Variants in GABRG3 observed in about 807,000 individuals in gnomAD.
The protein encoded by GABRG3 is gamma-aminobutyric acid receptor subunit gamma-3.
A neutral mutation model predicts 48.8 loss-of-function variants in GABRG3; 25 were observed. That is an observed-to-expected ratio of 0.51 (90% CI 0.37 to 0.72). The LOEUF (loss-of-function observed/expected upper bound fraction) is 0.72. GABRG3 is among the 30% of genes least tolerant of loss of function. GABRG3 has a pLI of 0.00. For missense variants in GABRG3, 394 were observed against 577.9 expected (o/e 0.68, Z 3.26); for synonymous variants, 227 against 217.6 (o/e 1.04, Z -0.38).
chr15:27,372,777 A>G (rs2140557401), intron 5 of GABRG3, among the ~76,000 whole-genome samples: 1 of 152,198 alleles, frequency 6.6e-6, no homozygotes, highest in East Asian at 1.9e-4. Context: ...CTCCTCTTTG[A>G]ATACTTCCCT....
chr15:27,503,522 T>C (rs956958844), intron 6 of GABRG3, among the ~76,000 whole-genome samples: 2 of 152,142 alleles, frequency 1.3e-5, no homozygotes, highest in Admixed American at 1.3e-4. Context: ...TTTTTTTCCC[T>C]TTTTTTCACT....
intron 3 of GABRG3, among the ~76,000 whole-genome samples, chr15:27,045,279 C>T (rs1298585388): frequency 1.3e-5 from 2 of 152,216 alleles, no homozygotes; most frequent in African/African-American, 4.8e-5. Flanking sequence ...TTGTCCTGAA[C>T]AGGACGGAGT....
intron 3 of GABRG3, among the ~76,000 whole-genome samples, chr15:27,111,366 G>C (rs1402186786): frequency 6.6e-6 from 1 of 152,102 alleles, no homozygotes; most frequent in Non-Finnish European, 1.5e-5. Context: ...CAACATTTCT[G>C]TCATGTCTGA....
At position 27,172,783 on chromosome 15, in the gene GABRG3, C is replaced by T. The variant is rs79345161; in HGVS notation, c.270+145962C>T. On this transcript the variant is annotated intron_variant, in intron 3 of 9. Coordinates refer to ENST00000615808, the MANE Select transcript of GABRG3 (RefSeq NM_033223.5). ...CCCGGTTACCCAGGGCAGATGCCTT[C>T]CTGCCCTTCCAGGTATCCAGGGTTA... Among the ~76,000 whole-genome samples the T allele has an allele frequency of 4.4e-3, 671 of 152,250 alleles. 7 individuals carry two copies. Among genetic ancestry groups the T allele is most frequent in the African/African-American group, 0.016 (650 of 41,552 alleles).
chr15:27,149,501 G>A (rs1466195894), intron 3 of GABRG3, among the ~76,000 whole-genome samples: 3 of 152,070 alleles, frequency 2.0e-5, no homozygotes, highest in Non-Finnish European at 1.5e-5. Flanking sequence ...AAATGTGTAT[G>A]GAAATTGCAA....
chr15:27,169,513 G>A (rs1360789788), intron 3 of GABRG3, among the ~76,000 whole-genome samples: 1 of 152,152 alleles, frequency 6.6e-6, no homozygotes, highest in Non-Finnish European at 1.5e-5. Flanking sequence ...CGAAAGCTAT[G>A]GGAACCATCT....
intron 3 of GABRG3, among the ~76,000 whole-genome samples, chr15:27,238,672 G>A (rs577073503): frequency 6.6e-6 from 1 of 152,164 alleles, no homozygotes; most frequent in Non-Finnish European, 1.5e-5. Context: ...ATTATTACTT[G>A]TTAATTCTGC....
At chr15:27,461,773 C>T (rs1480949248) in intron 5 of GABRG3, among the ~76,000 whole-genome samples, 4 of 152,158 alleles carry the variant, frequency 2.6e-5, no homozygotes, top group Non-Finnish European at 4.4e-5. Context: ...GCCAAGTCCC[C>T]GCCAGACCCA....
intron 2 of GABRG3, among the ~76,000 whole-genome samples, chr15:26,994,159 A>G (rs370629928): frequency 2.0e-5 from 3 of 151,834 alleles, no homozygotes; most frequent in African/African-American, 7.3e-5. Flanking sequence ...CCATCCATTC[A>G]GCCCTCCATG....
At chr15:27,135,633 G>A (rs901537142) in intron 3 of GABRG3, among the ~76,000 whole-genome samples, 18 of 152,172 alleles carry the variant, frequency 1.2e-4, no homozygotes, top group Non-Finnish European at 5.9e-5. Flanking sequence ...GAGGCCAGGC[G>A]CAGTGGCTCA....
At chr15:27,326,005 G>A (rs1893600730) in intron 3 of GABRG3, among the ~76,000 whole-genome samples, 1 of 152,160 alleles carries the variant, frequency 6.6e-6, no homozygotes, top group African/African-American at 2.4e-5. Flanking sequence ...TTTAAACTGT[G>A]ATGAGGGGAG....
intron 5 of GABRG3, among the ~76,000 whole-genome samples, chr15:27,432,186 G>A (rs1369840465): frequency 6.6e-6 from 1 of 151,972 alleles, no homozygotes; most frequent in Non-Finnish European, 1.5e-5. Context: ...AATGTAGTTG[G>A]GATTAATATT....
In GABRG3 at chr15:27,532,668, G is replaced by T. The variant is rs1240781364; in HGVS notation, c.1191G>T (p.Trp397Cys). ...AMITLNNSVY[W>C]QEFEDTCVYE... ...TCACTTTAAACAATTCCGTTTACTG[G>T]CAGGAATTTGAAGATACCTGTGTCT... The change falls in exon 10 of 10, where the codon TGG (tryptophan) becomes TGT (cysteine). Residue 397 changes from tryptophan (W) to cysteine (C), a missense_variant. Trp to Cys is a radical substitution (Grantham distance 215, BLOSUM62 -2). Transcript: ENST00000615808. The T allele has an allele frequency of 6.2e-7, 1 of 1,613,872 alleles. No individual in the cohort carries two copies.
At chr15:27,053,053 C>T (rs1896481659) in intron 3 of GABRG3, among the ~76,000 whole-genome samples, 1 of 152,090 alleles carries the variant, frequency 6.6e-6, no homozygotes, top group Non-Finnish European at 1.5e-5. Flanking sequence ...ATCAAAATAA[C>T]AAAATCCTAG....
intron 3 of GABRG3, among the ~76,000 whole-genome samples, chr15:27,154,843 AAATT>A (rs1898389057): frequency 6.6e-6 from 1 of 152,056 alleles, no homozygotes; most frequent in Non-Finnish European, 1.5e-5. Flanking sequence ...GGGCTTCATA[AAATT>A]AATTAAATTT....
intron 2 of GABRG3, among the ~76,000 whole-genome samples, chr15:26,981,628 T>C (rs1232731341): frequency 6.6e-6 from 1 of 152,186 alleles, no homozygotes; most frequent in Non-Finnish European, 1.5e-5. Flanking sequence ...AGTGGTATAT[T>C]TGGCCAGGAG....
chr15:27,439,402 A>T (rs1270645679), intron 5 of GABRG3, among the ~76,000 whole-genome samples: 2 of 152,238 alleles, frequency 1.3e-5, no homozygotes, highest in Admixed American at 6.5e-5. Context: ...TTTCCAGTAG[A>T]TAATACACTG....
At chr15:27,341,297 G>A (rs2140528725) in intron 5 of GABRG3, among the ~76,000 whole-genome samples, 1 of 152,080 alleles carries the variant, frequency 6.6e-6, no homozygotes, top group South Asian at 2.1e-4. Flanking sequence ...ATTAATTGGG[G>A]GTAGAGAGTA....
chr15:27,287,377 A>G (rs1379927744), intron 3 of GABRG3, among the ~76,000 whole-genome samples: 2 of 152,268 alleles, frequency 1.3e-5, no homozygotes, highest in South Asian at 2.1e-4. Flanking sequence ...ACAGTGATCC[A>G]GTATTCAGAG....
Sources: gnomAD v4.1 joint callset for allele counts (sites outside exome capture counted in the v4.1 genomes callset) on GRCh38, gnomAD v4.1.1 for gene constraint, MANE v1.5 for transcripts, NCBI Gene and HGNC (gene_info 2026-07-23, HGNC 2026-07-21) for gene names.